The following PPARGC1A variants were observed in gnomAD, a reference collection of about 807,000 sequenced individuals.
PPARGC1A encodes the protein peroxisome proliferator-activated receptor gamma coactivator 1-alpha.
In PPARGC1A, 25 loss-of-function variants were observed where a neutral mutation model predicts 88.7. The observed-to-expected ratio is 0.28, with a 90% CI of 0.21 to 0.39. PPARGC1A has a LOEUF of 0.39. Among genes scored for constraint, PPARGC1A ranks in the 10% least tolerant of loss-of-function variants. PPARGC1A has a pLI of 1.00. For synonymous variants in PPARGC1A, 363 were observed against 355.6 expected (o/e 1.02, Z -0.24); for missense variants, 880 against 968.7 (o/e 0.91, Z 1.22).
the PPARGC1A span, among the ~76,000 whole-genome samples, chr4:24,390,540 A>C: frequency 6.6e-6 from 1 of 152,108 alleles, no homozygotes; most frequent in African/African-American, 2.4e-5. Flanking sequence ...ACGTATACTT[A>C]TGTACATTAC....
At chr4:24,426,097 G>T in the PPARGC1A span, among the ~76,000 whole-genome samples, 2 of 152,192 alleles carry the variant, frequency 1.3e-5, no homozygotes, top group Non-Finnish European at 2.9e-5. Context: ...TTACAACGGG[G>T]AGGGAACACT....
intron 2 of PPARGC1A, among the ~76,000 whole-genome samples, chr4:23,865,883 A>G (rs1333232023): frequency 2.0e-5 from 3 of 152,028 alleles, no homozygotes; most frequent in Admixed American, 6.6e-5. Context: ...GGAAACTAGT[A>G]TATTGTTAAG....
At chr4:24,398,727 T>G in the PPARGC1A span, among the ~76,000 whole-genome samples, 2 of 152,212 alleles carry the variant, frequency 1.3e-5, no homozygotes, top group African/African-American at 4.8e-5. Flanking sequence ...GATCTGAAAC[T>G]GTGGGATGCC....
At chr4:24,148,364 T>A in the PPARGC1A span, among the ~76,000 whole-genome samples, 1 of 152,162 alleles carries the variant, frequency 6.6e-6, no homozygotes. Flanking sequence ...ATCCTGCCTG[T>A]TCTTCAACAT....
chr4:23,965,409 AC>A, the PPARGC1A span, among the ~76,000 whole-genome samples: 2 of 152,226 alleles, frequency 1.3e-5, no homozygotes, highest in East Asian at 1.9e-4. Context: ...CTTGCAGAGC[AC>A]GAATGAATTT....
the PPARGC1A span, among the ~76,000 whole-genome samples, chr4:24,319,219 T>TGTC: frequency 6.6e-6 from 1 of 152,106 alleles, no homozygotes; most frequent in Non-Finnish European, 1.5e-5. Flanking sequence ...GGTGCATGCC[T>TGTC]GTCGTCCCAG....
At chr4:23,803,856 A>G in intron 10 of PPARGC1A, among the ~76,000 whole-genome samples, 1 of 152,170 alleles carries the variant, frequency 6.6e-6, no homozygotes, top group East Asian at 1.9e-4. Context: ...TGAAAAGAGT[A>G]ATTTGGACTG....
chr4:24,061,366 G>T, the PPARGC1A span, among the ~76,000 whole-genome samples: 1 of 152,190 alleles, frequency 6.6e-6, no homozygotes, highest in Non-Finnish European at 1.5e-5. Flanking sequence ...CCTGAATGAG[G>T]CAAGTCTAGC....
chr4:24,254,953 T>C, the PPARGC1A span, among the ~76,000 whole-genome samples: 1 of 152,162 alleles, frequency 6.6e-6, no homozygotes, highest in African/African-American at 2.4e-5. Context: ...GAATGCTTCA[T>C]TCAGAAATCC....
the PPARGC1A span, among the ~76,000 whole-genome samples, chr4:23,965,952 C>A: frequency 1.3e-5 from 2 of 152,138 alleles, no homozygotes; most frequent in Non-Finnish European, 2.9e-5. Context: ...GAGTGTAAAT[C>A]CACCCGACAA....
chr4:24,379,950 G>A, the PPARGC1A span, among the ~76,000 whole-genome samples: 1 of 151,956 alleles, frequency 6.6e-6, no homozygotes, highest in Non-Finnish European at 1.5e-5. Flanking sequence ...GGCTAATTTT[G>A]TATTTTTAGT....
the PPARGC1A span, among the ~76,000 whole-genome samples, chr4:23,999,977 G>C: frequency 6.6e-6 from 1 of 152,160 alleles, no homozygotes; most frequent in Admixed American, 6.6e-5. Context: ...ACGCAAGCAC[G>C]TCATTAAAAT....
the PPARGC1A span, among the ~76,000 whole-genome samples, chr4:24,016,552 ACAGGGAAAAGTTAT>A: frequency 1.3e-5 from 2 of 152,192 alleles, no homozygotes; most frequent in African/African-American, 4.8e-5. Flanking sequence ...AGGGGCAATA[ACAGGGAAAAGTTAT>A]CACAAAATTG....
At chr4:24,116,474 T>A in the PPARGC1A span, among the ~76,000 whole-genome samples, 4 of 152,218 alleles carry the variant, frequency 2.6e-5, no homozygotes, top group Non-Finnish European at 4.4e-5. Flanking sequence ...ACAAGATTTC[T>A]AAAAGCAATA....
chr4:24,448,737 C>T, the PPARGC1A span, among the ~76,000 whole-genome samples: 1 of 152,154 alleles, frequency 6.6e-6, no homozygotes, highest in Non-Finnish European at 1.5e-5. Context: ...CCTCCTGTGA[C>T]CACCCCTAGT....
At chr4:24,465,001 C>T in the PPARGC1A span, among the ~76,000 whole-genome samples, 5 of 152,270 alleles carry the variant, frequency 3.3e-5, no homozygotes, top group Admixed American at 6.5e-5. Flanking sequence ...TCAGTAGCTA[C>T]GATTACAGGC....
the PPARGC1A span, among the ~76,000 whole-genome samples, chr4:24,394,957 A>G: frequency 6.6e-6 from 1 of 152,256 alleles, no homozygotes. Flanking sequence ...ATGAAAAAGC[A>G]TATCTTGTAC....
the PPARGC1A span, among the ~76,000 whole-genome samples, chr4:23,942,927 T>C: frequency 1.3e-5 from 2 of 152,198 alleles, no homozygotes; most frequent in South Asian, 4.1e-4. Flanking sequence ...CAAAAAGTCA[T>C]GTAGACACAG....
chr4:24,061,358 T>C, the PPARGC1A span, among the ~76,000 whole-genome samples: 2 of 152,242 alleles, frequency 1.3e-5, no homozygotes, highest in African/African-American at 4.8e-5. Flanking sequence ...CTGTGCACCC[T>C]GAATGAGGCA....
Sources: gnomAD v4.1 joint callset for allele counts (sites outside exome capture counted in the v4.1 genomes callset) on GRCh38, gnomAD v4.1.1 for gene constraint, MANE v1.5 for transcripts, NCBI Gene and HGNC (gene_info 2026-07-23, HGNC 2026-07-21) for gene names.